Variants in RGS6 observed in about 807,000 individuals in gnomAD.
RGS6 encodes the protein regulator of G-protein signaling 6.
Under a neutral mutation model 78.5 loss-of-function variants are expected in RGS6, and 30 were observed. The observed-to-expected ratio is 0.38, with a 90% CI of 0.29 to 0.52. The LOEUF (loss-of-function observed/expected upper bound fraction) is 0.52, where lower values mean the gene tolerates loss of function less well. Ranked by LOEUF, RGS6 falls within the 20% of genes least tolerant of loss-of-function variation. The probability of loss-of-function intolerance (pLI) is 0.85; values close to 1 mark genes in which losing one functional copy is unlikely to be tolerated. For synonymous variants in RGS6, 206 were observed against 206.0 expected (o/e 1.00, Z 0.00); for missense variants, 495 against 609.7 (o/e 0.81, Z 1.98).
chr14:71,875,058 A>G, the RGS6 span, among the ~76,000 whole-genome samples: 5 of 152,222 alleles, frequency 3.3e-5, no homozygotes, highest in Admixed American at 3.3e-4. Flanking sequence ...TATTTTATTA[A>G]GGATTTTTGC....
rs760197515 is a variant in RGS6 at position 72,547,381 on chromosome 14, C to G, written c.1422+7287C>G. On this transcript the variant is annotated intron_variant, in intron 17 of 17. Transcript: ENST00000553525. ...AAAGGCTAAGAAGTAAGACCCCCCCCCGACCCATGGAAGTCCCCCCAAAAT... is the reference window on the plus strand; with the variant it reads ...AAAGGCTAAGAAGTAAGACCCCCCCGCGACCCATGGAAGTCCCCCCAAAAT... The G allele has an allele frequency of 1.6e-4, 227 of 1,418,708 alleles. 2 individuals carry two copies. In the Middle Eastern group the frequency reaches 2.2e-3, roughly 14 times the overall value. 87.9% of individuals were successfully genotyped at this position (1,418,708 alleles called of 1,614,324 possible). A position where few individuals can be genotyped will look rare whatever the true frequency, so the allele number is the denominator to read the frequency against.
intron 3 of RGS6, among the ~76,000 whole-genome samples, chr14:72,395,838 C>T (rs1240486085): frequency 1.3e-5 from 2 of 152,002 alleles, no homozygotes; most frequent in African/African-American, 4.8e-5. Context: ...CAGCTTCATC[C>T]ATGTCCCTAC....
intron 2 of RGS6, among the ~76,000 whole-genome samples, chr14:72,186,159 C>A (rs2097242758): frequency 6.6e-6 from 1 of 152,100 alleles, no homozygotes; most frequent in South Asian, 2.1e-4. Context: ...CCTGCCAAGG[C>A]AAAACTGCCC....
At position 72,448,524 on chromosome 14, in the gene RGS6, C is replaced by T. The variant is rs531533941; in HGVS notation, c.185-6004C>T. On this transcript the variant is annotated intron_variant, in intron 3 of 17. Transcript: ENST00000553525. ...TAAGGCATAAAAGAAAAAAAAAAGA[C>T]GGTAAAGATTGTCCTACTTAGAATA... 5.6e-3 allele frequency among the ~76,000 whole-genome samples: 854 copies of T among 151,446 alleles called. 3 individuals are homozygous for T. The highest frequency in any genetic ancestry group is 0.019 in the African/African-American group (781 of 41,228).
At chr14:72,109,665 G>T (rs1001565911) in intron 2 of RGS6, among the ~76,000 whole-genome samples, 1 of 152,138 alleles carries the variant, frequency 6.6e-6, no homozygotes, top group South Asian at 2.1e-4. Flanking sequence ...AGGTTAATCC[G>T]CATGCTTTAG....
chr14:72,394,083 A>G (rs533121663), intron 3 of RGS6, among the ~76,000 whole-genome samples: 1 of 152,186 alleles, frequency 6.6e-6, no homozygotes, highest in Non-Finnish European at 1.5e-5. Context: ...CCTCAGAGCT[A>G]TCATTTATCA....
At chr14:72,534,420 C>A (rs1054341031) in intron 15 of RGS6, among the ~76,000 whole-genome samples, 4 of 152,188 alleles carry the variant, frequency 2.6e-5, no homozygotes, top group Non-Finnish European at 4.4e-5. Context: ...CCTCCAAGGT[C>A]TCCTTACATA....
intron 2 of RGS6, among the ~76,000 whole-genome samples, chr14:72,147,349 C>T (rs2096619373): frequency 6.6e-6 from 1 of 152,074 alleles, no homozygotes; most frequent in Non-Finnish European, 1.5e-5. Context: ...AACAGAATAC[C>T]AGAGACTGGG....
intron 17 of RGS6, among the ~76,000 whole-genome samples, chr14:72,559,145 G>A (rs1303053195): frequency 2.6e-5 from 4 of 152,238 alleles, no homozygotes; most frequent in African/African-American, 9.6e-5. Flanking sequence ...ACAGAGATGA[G>A]AGTAAAGAGA....
At chr14:72,261,911 T>C (rs1273537891) in intron 2 of RGS6, among the ~76,000 whole-genome samples, 1 of 152,258 alleles carries the variant, frequency 6.6e-6, no homozygotes, top group Admixed American at 6.5e-5. Context: ...TGAGTCATGA[T>C]ACCTAATATT....
At chr14:72,245,258 G>C (rs992763424) in intron 2 of RGS6, among the ~76,000 whole-genome samples, 2 of 152,188 alleles carry the variant, frequency 1.3e-5, no homozygotes, top group Non-Finnish European at 2.9e-5. Flanking sequence ...CCAGCTCAGT[G>C]GGGGAGACCC....
the RGS6 span, among the ~76,000 whole-genome samples, chr14:72,613,402 T>C: frequency 6.6e-6 from 1 of 152,226 alleles, no homozygotes; most frequent in Non-Finnish European, 1.5e-5. Flanking sequence ...TGCCTGCCAG[T>C]CCTGGTTCCT....
At chr14:72,330,833 A>AT (rs530469428) in intron 2 of RGS6, among the ~76,000 whole-genome samples, 80 of 150,428 alleles carry the variant, frequency 5.3e-4, no homozygotes, top group Non-Finnish European at 6.1e-4. Context: ...ACCTGCAGAG[A>AT]TTTTTTTTTT....
At chr14:72,160,570 T>C (rs564899057) in intron 2 of RGS6, among the ~76,000 whole-genome samples, 81 of 152,188 alleles carry the variant, frequency 5.3e-4, no homozygotes, top group Non-Finnish European at 1.0e-3. Flanking sequence ...GTGACTGTAT[T>C]TGGAGATACA....
At chr14:72,391,647 G>A (rs569828380) in intron 3 of RGS6, among the ~76,000 whole-genome samples, 116 of 152,240 alleles carry the variant, frequency 7.6e-4, no homozygotes, top group African/African-American at 2.6e-3. Context: ...CATGCACAAC[G>A]TGCAGGTTTG....
chr14:72,388,049 A>C (rs2088804764), intron 3 of RGS6, among the ~76,000 whole-genome samples: 1 of 152,142 alleles, frequency 6.6e-6, no homozygotes, highest in Non-Finnish European at 1.5e-5. Flanking sequence ...CTATCTCTAA[A>C]TCCAGTCACA....
chr14:72,107,035 A>G (rs976371572), intron 2 of RGS6, among the ~76,000 whole-genome samples: 1 of 152,190 alleles, frequency 6.6e-6, no homozygotes, highest in Non-Finnish European at 1.5e-5. Flanking sequence ...TGAGAGAAGC[A>G]TAATGGTGAC....
chr14:72,383,213 T>TATATATATATATATATATATAC (rs1387301746), intron 3 of RGS6, among the ~76,000 whole-genome samples: 1 of 118,336 alleles, frequency 8.5e-6, no homozygotes, highest in Non-Finnish European at 1.7e-5. Context: ...TATATATATA[T>TATATATATATATATATATATAC]ACACACAAAC....
chr14:72,203,964 A>G (rs1005602322), intron 2 of RGS6, among the ~76,000 whole-genome samples: 3 of 151,862 alleles, frequency 2.0e-5, no homozygotes, highest in Non-Finnish European at 4.4e-5. Flanking sequence ...AGCTGGGACT[A>G]TAAGTGTGCA....
Sources: allele counts gnomAD v4.1 joint callset (sites outside exome capture counted in the v4.1 genomes callset), GRCh38; gene constraint gnomAD v4.1.1; transcripts MANE v1.5; gene names NCBI Gene and HGNC (gene_info 2026-07-23, HGNC 2026-07-21).